The following PCDHA10 variants were observed in gnomAD, a reference collection of about 807,000 sequenced individuals.
PCDHA10 encodes the protein protocadherin alpha-10.
PCDHA10 carries 45 observed loss-of-function variants against 61.2 expected under a neutral mutation model. The observed-to-expected ratio is 0.74, with a 90% CI of 0.58 to 0.94. PCDHA10 has a LOEUF of 0.94. Among genes scored for constraint, PCDHA10 ranks in the 40% least tolerant of loss-of-function variants. PCDHA10 has a pLI of 0.00. For missense variants in PCDHA10, 1,278 were observed against 1,236.2 expected (o/e 1.03, Z -0.51); for synonymous variants, 602 against 548.8 (o/e 1.10, Z -1.35).
chr5:140,951,583 C>T (rs939168963), intron 1 of PCDHA10, among the ~76,000 whole-genome samples: 3 of 152,034 alleles, frequency 2.0e-5, no homozygotes, highest in Non-Finnish European at 4.4e-5. Flanking sequence ...CCAGATTTCA[C>T]GAGATCTCTC....
At chr5:140,982,207 C>T (rs868956427) in intron 2 of PCDHA10, 8 of 429,564 alleles carry the variant, frequency 1.9e-5, no homozygotes, top group East Asian at 1.5e-4. Flanking sequence ...ATTTAGTGAG[C>T]GCCACATGGC....
chr5:140,855,976 G>C lies in PCDHA10; in HGVS notation c.-73G>C. ...GATAAAAAATAGATATAAGAAATAG[G>C]ACAGAAAATGTCAGATCGTATGTGC... On this transcript the variant is annotated 5_prime_UTR_variant, in exon 1 of 4. Coordinates refer to ENST00000307360, the MANE Select transcript of PCDHA10 (RefSeq NM_018901.4). 1 of 1,448,118 alleles carries C rather than the reference G, an allele frequency of 6.9e-7. No homozygotes were observed. Among genetic ancestry groups the C allele is most frequent in the Non-Finnish European group, 9.3e-7 (1 of 1,070,016 alleles). The allele number at this position is 1,448,118 out of a possible 1,614,324, so 89.7% of individuals were successfully genotyped here.
intron 1 of PCDHA10, among the ~76,000 whole-genome samples, chr5:140,932,575 G>A (rs1554208974): frequency 6.6e-6 from 1 of 151,674 alleles, no homozygotes; most frequent in South Asian, 2.1e-4. Context: ...TTTCCCATAG[G>A]GTAATTAGAT....
At chr5:140,914,807 A>G (rs929659841) in intron 1 of PCDHA10, among the ~76,000 whole-genome samples, 2 of 152,330 alleles carry the variant, frequency 1.3e-5, no homozygotes, top group Middle Eastern at 3.4e-3. Context: ...ACTGATGGCA[A>G]CTTAACAGAC....
chr5:140,883,747 G>A (rs781812387), intron 1 of PCDHA10: 5 of 1,613,274 alleles, frequency 3.1e-6, no homozygotes, highest in South Asian at 2.2e-5. Context: ...TCTCCTACTC[G>A]CTGGTGGAGC....
At chr5:140,862,429 A>G (rs2047360800) in intron 1 of PCDHA10, 1 of 354,378 alleles carries the variant, frequency 2.8e-6, no homozygotes, top group Admixed American at 3.8e-5. Context: ...CCCAGAAACT[A>G]TTCGTTGGTA....
chr5:141,006,346 G>C (rs2098268580), intron 3 of PCDHA10, among the ~76,000 whole-genome samples: 1 of 151,806 alleles, frequency 6.6e-6, no homozygotes, highest in South Asian at 2.1e-4. Context: ...TGAGTAGCTG[G>C]GACTATAGGC....
At chr5:140,975,213 G>A (rs1205237242) in intron 1 of PCDHA10, among the ~76,000 whole-genome samples, 2 of 152,178 alleles carry the variant, frequency 1.3e-5, no homozygotes, top group African/African-American at 4.8e-5. Context: ...GGCTGGCACT[G>A]GAGAATCTTC....
intron 1 of PCDHA10, chr5:140,927,237 G>A (rs1554204217): frequency 1.2e-6 from 2 of 1,614,110 alleles, no homozygotes; most frequent in Admixed American, 1.7e-5. Flanking sequence ...TTCACGTCCT[G>A]GACACCAATG....
chr5:140,915,677 A>C (rs1352514451), intron 1 of PCDHA10, among the ~76,000 whole-genome samples: 4 of 150,138 alleles, frequency 2.7e-5, no homozygotes, highest in African/African-American at 9.8e-5. Flanking sequence ...GCCATCTTGA[A>C]CTAGGGGTAT....
chr5:140,999,040 G>A (rs1450256691), intron 3 of PCDHA10, among the ~76,000 whole-genome samples: 2 of 152,218 alleles, frequency 1.3e-5, no homozygotes, highest in African/African-American at 2.4e-5. Context: ...TTCGTCCAGT[G>A]TGCTTTCCAC....
At chr5:140,929,132 T>C (rs782124526) in intron 1 of PCDHA10, 2 of 1,614,214 alleles carry the variant, frequency 1.2e-6, no homozygotes, top group East Asian at 4.5e-5. Flanking sequence ...GTCACTACAG[T>C]TGAGAGACTT....
chr5:140,935,118 T>G (rs189908862), intron 1 of PCDHA10, among the ~76,000 whole-genome samples: 6 of 152,324 alleles, frequency 3.9e-5, no homozygotes, highest in Admixed American at 3.3e-4. Flanking sequence ...AGCTTTCACT[T>G]ATTTTTAGTG....
intron 1 of PCDHA10, among the ~76,000 whole-genome samples, chr5:140,974,459 C>G (rs59098360): frequency 0.013 from 1,989 of 152,274 alleles, 54 homozygotes; most frequent in African/African-American, 0.046. Flanking sequence ...TGACTACATT[C>G]AGAGGAAAGT....
At chr5:140,943,613 C>G (rs1490811039) in intron 1 of PCDHA10, among the ~76,000 whole-genome samples, 1 of 152,026 alleles carries the variant, frequency 6.6e-6, no homozygotes, top group African/African-American at 2.4e-5. Context: ...GACTTTGATT[C>G]ATCTGCATAA....
chr5:140,876,690 G>T, intron 1 of PCDHA10: 1 of 1,614,174 alleles, frequency 6.2e-7, no homozygotes, highest in Admixed American at 1.7e-5. Flanking sequence ...ATTACTACTC[G>T]TTGGTGCTGG....
intron 1 of PCDHA10, among the ~76,000 whole-genome samples, chr5:140,973,691 T>C (rs1420618979): frequency 6.6e-6 from 1 of 152,224 alleles, no homozygotes; most frequent in Non-Finnish European, 1.5e-5. Context: ...GGCCTACTGT[T>C]TCCTTCTGAC....
At chr5:140,939,894 T>A (rs1554213013) in intron 1 of PCDHA10, among the ~76,000 whole-genome samples, 1 of 152,220 alleles carries the variant, frequency 6.6e-6, no homozygotes, top group African/African-American at 2.4e-5. Flanking sequence ...TGTTCAAATA[T>A]TCTGCATTCT....
intron 1 of PCDHA10, chr5:140,865,754 C>T (rs1554159601): frequency 6.6e-6 from 1 of 152,144 alleles, no homozygotes; most frequent in East Asian, 1.9e-4. Context: ...AGTGCCAGTA[C>T]ATGGTGGAGA....
Sources: allele counts gnomAD v4.1 joint callset (sites outside exome capture counted in the v4.1 genomes callset), GRCh38; gene constraint gnomAD v4.1.1; transcripts MANE v1.5; gene names NCBI Gene and HGNC (gene_info 2026-07-23, HGNC 2026-07-21).